Variants in ZNF407 observed in about 807,000 individuals in gnomAD.
ZNF407 encodes zinc finger protein 407.
In ZNF407, 17 loss-of-function variants were observed where a neutral mutation model predicts 131.2. That is an observed-to-expected ratio of 0.13 (90% confidence interval 0.09 to 0.19). The LOEUF (loss-of-function observed/expected upper bound fraction) is 0.19. Among genes scored for constraint, ZNF407 ranks in the 10% least tolerant of loss-of-function variants. ZNF407 has a pLI of 1.00. For missense variants in ZNF407, 2,681 were observed against 2,830.6 expected, an observed-to-expected ratio of 0.95 and a Z score of 1.20; for synonymous variants, 1,156 against 1,062.0, an observed-to-expected ratio of 1.09 and a Z score of -1.72.
intron 3 of ZNF407, among the ~76,000 whole-genome samples, chr18:74,733,996 T>G (rs1334087949): frequency 6.6e-6 from 1 of 152,162 alleles, no homozygotes; most frequent in African/African-American, 2.4e-5. Context: ...TTTTTTCTCT[T>G]TTTGCTCATC....
intron 8 of ZNF407, among the ~76,000 whole-genome samples, chr18:74,922,751 G>A (rs533623444): frequency 2.6e-5 from 4 of 152,268 alleles, no homozygotes; most frequent in East Asian, 1.9e-4. Context: ...AAAGACAGGC[G>A]TCTCGGAGCT....
chr18:74,753,989 G>T lies in ZNF407; in HGVS notation c.4803-27439G>T, dbSNP rs145935498. 2.1e-3 allele frequency among the ~76,000 whole-genome samples: 317 copies of T among 152,230 alleles called. 1 individual carries two copies. Among genetic ancestry groups the T allele is most frequent in the Middle Eastern group, 0.017 (5 of 294 alleles). ...ATCCGTCTGGTCCTGACTTTTTTTGGTTGTTAGGCTATTAATTATTGTCTC... is the reference window on the plus strand; with the variant it reads ...ATCCGTCTGGTCCTGACTTTTTTTGTTTGTTAGGCTATTAATTATTGTCTC... On this transcript the variant is annotated intron_variant, in intron 3 of 8. Coordinates refer to ENST00000299687, the MANE Select transcript of ZNF407 (RefSeq NM_017757.3).
intron 6 of ZNF407, among the ~76,000 whole-genome samples, chr18:74,888,079 A>G (rs1971335152): frequency 6.6e-6 from 1 of 152,110 alleles, no homozygotes; most frequent in African/African-American, 2.4e-5. Context: ...AAGATATTTT[A>G]CTCCTCATTT....
At chr18:74,674,306 A>G (rs1195144914) in intron 3 of ZNF407, among the ~76,000 whole-genome samples, 3 of 152,170 alleles carry the variant, frequency 2.0e-5, no homozygotes, top group African/African-American at 7.2e-5. Flanking sequence ...AGGACTTTAT[A>G]GCTTGAAATT....
intron 8 of ZNF407, among the ~76,000 whole-genome samples, chr18:74,988,342 A>G (rs562245281): frequency 6.6e-6 from 1 of 152,258 alleles, no homozygotes; most frequent in African/African-American, 2.4e-5. Context: ...ACTTTGAGAT[A>G]TTCAGAGATT....
chr18:74,809,587 G>C (rs1238236434), intron 4 of ZNF407, among the ~76,000 whole-genome samples: 1 of 152,170 alleles, frequency 6.6e-6, no homozygotes, highest in Non-Finnish European at 1.5e-5. Context: ...TGAGGAAAAG[G>C]CAGTTGTGAG....
intron 8 of ZNF407, among the ~76,000 whole-genome samples, chr18:75,057,573 C>T (rs1004829479): frequency 2.0e-5 from 3 of 152,158 alleles, no homozygotes; most frequent in Non-Finnish European, 4.4e-5. Context: ...ACAGCCAGCA[C>T]GTGTGCGGCC....
At chr18:74,868,494 G>A (rs568105439) in intron 4 of ZNF407, among the ~76,000 whole-genome samples, 1 of 152,338 alleles carries the variant, frequency 6.6e-6, no homozygotes, top group African/African-American at 2.4e-5. Context: ...ATTGTTGGTT[G>A]CTTTTGTCAT....
At chr18:74,664,627 TGAA>T (rs1985856305) in intron 3 of ZNF407, among the ~76,000 whole-genome samples, 1 of 152,194 alleles carries the variant, frequency 6.6e-6, no homozygotes, top group African/African-American at 2.4e-5. Context: ...CTTAATAAGT[TGAA>T]GAAATAGCCT....
intron 1 of ZNF407, among the ~76,000 whole-genome samples, chr18:74,599,401 A>C (rs1194210920): frequency 6.6e-6 from 1 of 152,252 alleles, no homozygotes; most frequent in Non-Finnish European, 1.5e-5. Context: ...TAAGCAGAGC[A>C]AAGTGGCTCC....
intron 8 of ZNF407, among the ~76,000 whole-genome samples, chr18:74,996,469 A>G (rs1371353793): frequency 1.3e-5 from 2 of 152,232 alleles, no homozygotes; most frequent in Non-Finnish European, 2.9e-5. Context: ...TGTATTTAGA[A>G]AAAGGAAATG....
intron 3 of ZNF407, among the ~76,000 whole-genome samples, chr18:74,686,302 C>G (rs185029096): frequency 6.6e-6 from 1 of 152,332 alleles, no homozygotes; most frequent in East Asian, 1.9e-4. Flanking sequence ...GTCATATTCT[C>G]TCAAATCTTT....
At chr18:74,999,437 C>T (rs372638179) in intron 8 of ZNF407, among the ~76,000 whole-genome samples, 67 of 147,116 alleles carry the variant, frequency 4.6e-4, no homozygotes, top group African/African-American at 1.6e-3. Flanking sequence ...AACTGTGATT[C>T]GTGTCTGCTT....
At chr18:74,771,117 G>A (rs1969351095) in intron 3 of ZNF407, among the ~76,000 whole-genome samples, 1 of 152,062 alleles carries the variant, frequency 6.6e-6, no homozygotes, top group African/African-American at 2.4e-5. Flanking sequence ...TGTGAAAATG[G>A]TGGATTCTGT....
At chr18:75,050,373 A>G (rs1283693213) in intron 8 of ZNF407, among the ~76,000 whole-genome samples, 1 of 152,224 alleles carries the variant, frequency 6.6e-6, no homozygotes, top group Non-Finnish European at 1.5e-5. Context: ...GAATTATGAA[A>G]AGTCTAAAAT....
chr18:74,613,425 A>G (rs557938677), intron 1 of ZNF407, among the ~76,000 whole-genome samples: 58 of 152,232 alleles, frequency 3.8e-4, no homozygotes, highest in Non-Finnish European at 7.2e-4. Context: ...TGTGAAGCCA[A>G]ACAGCACTGC....
intron 5 of ZNF407, among the ~76,000 whole-genome samples, chr18:74,880,140 A>T (rs1236982619): frequency 6.6e-6 from 1 of 152,050 alleles, no homozygotes; most frequent in Non-Finnish European, 1.5e-5. Context: ...TTTTTCTTCT[A>T]TTTTGCCTTT....
Position 75,010,272 on chromosome 18 carries a change from T to C in ZNF407, c.5429-52878T>C, listed in dbSNP as rs141404443. On this transcript the variant is annotated intron_variant, in intron 8 of 8. Transcript: ENST00000299687. ...TTGCCGAGAGAAAGGCCAAGATGTATATTTCCAAAGAGCTCTCTGTGACTG... is the reference window on the plus strand; with the variant it reads ...TTGCCGAGAGAAAGGCCAAGATGTACATTTCCAAAGAGCTCTCTGTGACTG... Among the ~76,000 whole-genome samples the C allele has an allele frequency of 1.1e-3, 160 of 152,304 alleles. 1 individual carries two copies. Among genetic ancestry groups the C allele is most frequent in the African/African-American group, 3.5e-3 (146 of 41,548 alleles).
intron 4 of ZNF407, among the ~76,000 whole-genome samples, chr18:74,862,780 C>T (rs1351014766): frequency 2.0e-5 from 3 of 152,108 alleles, no homozygotes; most frequent in Non-Finnish European, 4.4e-5. Context: ...TCTTATTCAT[C>T]CTGTTAGTCC....
Sources: gnomAD v4.1 joint callset for allele counts (sites outside exome capture counted in the v4.1 genomes callset) on GRCh38, gnomAD v4.1.1 for gene constraint, MANE v1.5 for transcripts, NCBI Gene and HGNC (gene_info 2026-07-23, HGNC 2026-07-21) for gene names.